TRPC4: variants seen among roughly 807,000 people sequenced by gnomAD.
The protein encoded by TRPC4 is transient receptor potential cation channel subfamily C member 4, also known as short transient receptor potential channel 4.
In TRPC4, 49 loss-of-function variants were observed where a neutral mutation model predicts 99.4. The observed-to-expected ratio is 0.49, with a 90% CI of 0.39 to 0.63. The LOEUF is 0.63. TRPC4 is among the 20% of genes least tolerant of loss of function. The pLI, the probability that TRPC4 is intolerant of heterozygous loss-of-function variation, is 0.00. For missense variants in TRPC4, 898 were observed against 1,152.9 expected (o/e 0.78, Z 3.20); for synonymous variants, 454 against 425.9 (o/e 1.07, Z -0.81).
chr13:37,722,499 G>C (rs577879970), intron 3 of TRPC4, among the ~76,000 whole-genome samples: 1 of 152,246 alleles, frequency 6.6e-6, no homozygotes, highest in Non-Finnish European at 1.5e-5. Context: ...AATCCAAACA[G>C]TTGTTGAATG....
intron 2 of TRPC4, among the ~76,000 whole-genome samples, chr13:37,777,628 T>TTGC (rs1476673524): frequency 6.6e-6 from 1 of 151,998 alleles, no homozygotes; most frequent in East Asian, 1.9e-4. Context: ...AGAGGGTAAA[T>TTGC]TGCTGATGCT....
At position 37,637,272 on chromosome 13, in the gene TRPC4, A is replaced by G. The variant is rs1566057757; in HGVS notation, c.2565T>C (p.Asn855=). ...FGLFHRRSKQ[N]AAEQNANQIF... is the part of the protein sequence containing the mutation. ...TTTGGTTTGCATTTTGCTCAGCAGC[A>G]TTTTGTTTTGATCGTCTATGAAATA... The change falls in exon 11 of 11, where the codon AAT becomes AAC. Residue 855 remains asparagine, a synonymous_variant. Coordinates refer to ENST00000379705, the MANE Select transcript of TRPC4 (RefSeq NM_016179.4). 1 of 1,613,892 alleles carries G rather than the reference A, an allele frequency of 6.2e-7. No individual in the cohort carries two copies. Among genetic ancestry groups the G allele is most frequent in the South Asian group, 1.1e-5 (1 of 91,086 alleles).
chr13:37,693,077 A>AAGG (rs10648171), intron 3 of TRPC4, among the ~76,000 whole-genome samples: 135,004 of 151,944 alleles, frequency 0.89, 60,157 homozygotes, highest in Middle Eastern at 0.95. Flanking sequence ...ACTGTATGTT[A>AAGG]AGGTTACATA....
Position 37,802,509 on chromosome 13 carries a change from T to A in TRPC4, c.-27-19149A>T, listed in dbSNP as rs963014502. Among the ~76,000 whole-genome samples the A allele has an allele frequency of 2.6e-5, 4 of 152,086 alleles. No individual in the cohort carries two copies. The South Asian group carries it at 8.3e-4, about 31-fold the overall frequency. ...TGCCTGACTTTTCTCATGATTAAAC[T>A]GAGGTTATGGATTTGGAGACAGTCC... is the stretch of plus-strand genomic sequence containing the variant. On this transcript the variant is annotated intron_variant, in intron 1 of 10. Coordinates refer to ENST00000379705, the MANE Select transcript of TRPC4 (RefSeq NM_016179.4).
At chr13:37,850,826 G>GAAATGAAT (rs1322309431) in intron 1 of TRPC4, among the ~76,000 whole-genome samples, 1 of 152,158 alleles carries the variant, frequency 6.6e-6, no homozygotes, top group Admixed American at 6.5e-5. Flanking sequence ...AAACCACACA[G>GAAATGAAT]AAATGAATTG....
chr13:37,856,457 A>C, intron 1 of TRPC4, among the ~76,000 whole-genome samples: 1 of 151,568 alleles, frequency 6.6e-6, no homozygotes, highest in East Asian at 1.9e-4. Flanking sequence ...CATTTAAAGA[A>C]GAACTGATAC....
At chr13:37,832,268 C>T (rs952022744) in intron 1 of TRPC4, among the ~76,000 whole-genome samples, 6 of 152,070 alleles carry the variant, frequency 3.9e-5, no homozygotes, top group Admixed American at 6.6e-5. Context: ...CTCAATTTGG[C>T]CACGCGCTGT....
In TRPC4 at chr13:37,663,521, A is replaced by G. The variant is rs577198890; in HGVS notation, c.1583T>C (p.Leu528Pro). ...TTGATTTAGGCCATTTGCAAATGCT[A>G]GCAACACAAGGCAGTATATGAATAG... The part of the protein sequence containing the change: ...KFLFIYCLVL[L>P]AFANGLNQLY... Residue 528 changes from leucine (L) to proline (P), a missense_variant, in exon 6 of 11, where the codon CTA (leucine) becomes CCA (proline). Leu to Pro is a moderately conservative substitution (Grantham distance 98, BLOSUM62 -3). This residue lies in a region of TRPC4 where 274 missense variants were observed against 454.9 expected (regional missense o/e 0.60). Transcript: ENST00000379705. 6.2e-7 allele frequency: 1 copy of G among 1,614,212 alleles called. No individual in the cohort carries two copies. Among genetic ancestry groups the G allele is most frequent in the Non-Finnish European group, 8.5e-7 (1 of 1,180,016 alleles).
intron 6 of TRPC4, among the ~76,000 whole-genome samples, chr13:37,662,039 T>A (rs780787863): frequency 6.6e-6 from 1 of 152,146 alleles, no homozygotes. Context: ...GCCGGCGAAG[T>A]GGCTCATGCC....
At chr13:37,850,791 T>C (rs1294279529) in intron 1 of TRPC4, among the ~76,000 whole-genome samples, 1 of 152,174 alleles carries the variant, frequency 6.6e-6, no homozygotes, top group Non-Finnish European at 1.5e-5. Flanking sequence ...CTAGGACTTG[T>C]GGAGCCAACA....
At chr13:37,789,838 A>G (rs1297664693) in intron 1 of TRPC4, among the ~76,000 whole-genome samples, 1 of 152,162 alleles carries the variant, frequency 6.6e-6, no homozygotes, top group Non-Finnish European at 1.5e-5. Context: ...TAAAATCTTC[A>G]GAATGGCACA....
intron 2 of TRPC4, among the ~76,000 whole-genome samples, chr13:37,752,976 C>CCACA (rs4054480): frequency 6.6e-6 from 1 of 150,454 alleles, no homozygotes; most frequent in African/African-American, 2.4e-5. Flanking sequence ...CTTTCTCCCT[C>CCACA]CACACACACA....
At chr13:37,785,968 C>A (rs1054765537) in intron 1 of TRPC4, among the ~76,000 whole-genome samples, 10 of 151,922 alleles carry the variant, frequency 6.6e-5, no homozygotes, top group African/African-American at 2.4e-4. Flanking sequence ...AAAAAAGAGA[C>A]ATATTTTAGT....
intron 1 of TRPC4, among the ~76,000 whole-genome samples, chr13:37,802,644 T>C (rs1156725089): frequency 6.6e-6 from 1 of 152,092 alleles, no homozygotes; most frequent in East Asian, 1.9e-4. Context: ...GCCAGCTTTG[T>C]TCATGGTCTT....
chr13:37,669,305 T>A (rs1252142856), intron 5 of TRPC4, among the ~76,000 whole-genome samples: 1 of 152,140 alleles, frequency 6.6e-6, no homozygotes, highest in Non-Finnish European at 1.5e-5. Context: ...TATTTAGAAA[T>A]AAACCAGCCC....
intron 2 of TRPC4, among the ~76,000 whole-genome samples, chr13:37,764,632 T>G (rs1035840394): frequency 3.0e-4 from 46 of 151,534 alleles, no homozygotes; most frequent in African/African-American, 9.9e-4. Flanking sequence ...ATTTTACGGA[T>G]ATTAACATGA....
At chr13:37,750,909 C>A (rs1055439158) in intron 2 of TRPC4, among the ~76,000 whole-genome samples, 1 of 151,942 alleles carries the variant, frequency 6.6e-6, no homozygotes, top group Non-Finnish European at 1.5e-5. Flanking sequence ...GATTTTCCTA[C>A]GGGAGATGGA....
chr13:37,867,036 G>C (rs1959803191), intron 1 of TRPC4, among the ~76,000 whole-genome samples: 1 of 149,304 alleles, frequency 6.7e-6, no homozygotes, highest in East Asian at 1.9e-4. Context: ...GTGCACATTA[G>C]AATTTGATTT....
intron 8 of TRPC4, among the ~76,000 whole-genome samples, chr13:37,649,562 G>A (rs1274450490): frequency 1.3e-5 from 2 of 151,404 alleles, no homozygotes; most frequent in African/African-American, 2.4e-5. Flanking sequence ...ATGAAACCCC[G>A]TCTCTACTAA....
Sources: gnomAD v4.1 joint callset for allele counts (sites outside exome capture counted in the v4.1 genomes callset) on GRCh38, gnomAD v4.1.1 for gene constraint, gnomAD v4.1.1 regional missense constraint, MANE v1.5 for transcripts, NCBI Gene and HGNC (gene_info 2026-07-23, HGNC 2026-07-21) for gene names.